MGAT4B: variants seen among roughly 807,000 people sequenced by gnomAD.
MGAT4B encodes N-acetylglucosaminyltransferase IVb.
In MGAT4B, 38 loss-of-function variants were observed where a neutral mutation model predicts 73.9. The ratio of observed to expected loss-of-function variants is 0.51; its 90% confidence interval spans 0.40 to 0.67. The LOEUF is 0.67. Among genes scored for constraint, MGAT4B ranks in the 30% least tolerant of loss-of-function variants. The pLI, the probability that MGAT4B is intolerant of heterozygous loss-of-function variation, is 0.00. For missense variants in MGAT4B, 686 were observed against 735.2 expected, an observed-to-expected ratio of 0.93 and a Z score of 0.77; for synonymous variants, 373 against 313.5, an observed-to-expected ratio of 1.19 and a Z score of -2.01.
chr5:179,798,382 C>T lies in MGAT4B; in HGVS notation c.1475G>A (p.Arg492Gln), dbSNP rs748599210. The stretch of plus-strand genomic sequence containing the variant: ...GTAGCCGTCGGGGCTCCGAGGGTAC[C>T]GGAGGGTGGCGGTGCGGCCCTCCTG... ...ALQEGRTATL[R>Q]YPRSPDGYLQ... is the part of the protein sequence containing the mutation. The change falls in exon 13 of 15, where the codon CGG becomes CAG. Residue 492 changes from arginine (R) to glutamine (Q), a missense_variant. Physicochemically the swap from Arg to Gln is conservative, Grantham distance 43 (BLOSUM62 1). Coordinates refer to ENST00000292591, the MANE Select transcript of MGAT4B (RefSeq NM_014275.5). 16 of 1,612,856 alleles carry T rather than the reference C, an allele frequency of 9.9e-6. No individual in the cohort carries two copies. The highest frequency in any genetic ancestry group is 1.6e-4 in the Middle Eastern group (1 of 6,062).
chr5:179,802,297 A>C, intron 1 of MGAT4B: 11 of 1,401,986 alleles, frequency 7.8e-6, no homozygotes, highest in Non-Finnish European at 1.0e-5. Context: ...ACAGCCTCAG[A>C]CTGAATCCGC....
chr5:179,798,661 G>T, intron 11 of MGAT4B, 70 bp from the exon 12 acceptor site: 2 of 1,547,756 alleles, frequency 1.3e-6, no homozygotes, highest in Non-Finnish European at 1.8e-6. Context: ...GCCCAGCAGA[G>T]AAAGGCCAGG....
Position 179,799,368 on chromosome 5 carries a change from C to G in MGAT4B, c.1042-58G>C, listed in dbSNP as rs1756805091. 1.9e-6 allele frequency: 3 copies of G among 1,604,334 alleles called. No individual in the cohort carries two copies. The East Asian group carries it at 6.7e-5, about 36-fold the overall frequency. On this transcript the variant is annotated intron_variant, in intron 9 of 14. Transcript: ENST00000292591. Reference sequence around the variant, plus strand: ...CTTAGCCCTCCTTCCTCAACACGGCCTCTCCTGGGGACTACCAGGGCCCTC... The same window carrying G: ...CTTAGCCCTCCTTCCTCAACACGGCGTCTCCTGGGGACTACCAGGGCCCTC...
At chr5:179,798,812 G>C (rs758223404) in intron 11 of MGAT4B, 116 bp downstream of exon 11, 192 of 1,282,530 alleles carry the variant, frequency 1.5e-4, no homozygotes, top group Non-Finnish European at 2.0e-4. Context: ...CTACCATTAC[G>C]AGGCCCACTT....
chr5:179,801,919 A>G lies in MGAT4B; in HGVS notation c.148T>C (p.Leu50=). The G allele has an allele frequency of 6.2e-7, 1 of 1,613,262 alleles. No individual in the cohort carries two copies. Among genetic ancestry groups the G allele is most frequent in the Non-Finnish European group, 8.5e-7 (1 of 1,179,940 alleles). Residue 50 remains leucine (L), a synonymous_variant, in exon 2 of 15, where the codon TTG becomes CTG. Coordinates refer to ENST00000292591, the MANE Select transcript of MGAT4B (RefSeq NM_014275.5). The surrounding 1 kb of genome is among the most constrained non-coding windows in gnomAD (Gnocchi z 4.8). ...QREFLALRDR[L]HAAEQESLKR... is the part of the protein sequence containing the mutation. Reference sequence around the variant, plus strand: ...AGGCTCTCCTGCTCAGCTGCGTGCAACCGATCGCGCAGCGCCAGGAACTCC... The same window carrying G: ...AGGCTCTCCTGCTCAGCTGCGTGCAGCCGATCGCGCAGCGCCAGGAACTCC...
chr5:179,801,173 G>A lies in MGAT4B; in HGVS notation c.558+161C>T, dbSNP rs554371497. On this transcript the variant is annotated intron_variant, in intron 4 of 14. Transcript: ENST00000292591. This position sits in a 1 kb window ranked among gnomAD's most constrained non-coding sequence, Gnocchi z 4.8. ...GCGGGGGCGATGGGTAGGGGTAGAG[G>A]GTGCCAGAAAGCCCTTTCAACTTTC... is the stretch of plus-strand genomic sequence containing the variant. 1.3e-5 allele frequency among the ~76,000 whole-genome samples: 2 copies of A among 152,238 alleles called. No individual in the cohort carries two copies. The highest frequency in any genetic ancestry group is 4.8e-5 in the African/African-American group (2 of 41,540).
chr5:179,799,649 GGCCTGAGTGGGCAGT>G lies in MGAT4B; in HGVS notation c.911-28_911-14del. 6.2e-7 allele frequency: 1 copy of G among 1,613,364 alleles called. No individual in the cohort carries two copies. The highest frequency in any genetic ancestry group is 8.5e-7 in the Non-Finnish European group (1 of 1,179,998). ...TTGAACATCTTACCTGGTGGGGAGG[GGCCTGAGTGGGCAGT>G]GCTGCTCTGCCTACTTCCTTTCTCC... On this transcript the variant is annotated splice_polypyrimidine_tract_variant and intron_variant, in intron 8 of 14. Coordinates refer to ENST00000292591, the MANE Select transcript of MGAT4B (RefSeq NM_014275.5).
intron 9 of MGAT4B, 95 bp downstream of exon 9, chr5:179,799,411 C>G (rs1423472576): frequency 1.9e-6 from 3 of 1,607,322 alleles, no homozygotes; most frequent in Middle Eastern, 1.8e-4. Context: ...TGACAGTGCT[C>G]TATGTGAGCA....
intron 1 of MGAT4B, chr5:179,802,982 CT>C: frequency 1.0e-6 from 1 of 985,508 alleles, no homozygotes; most frequent in Non-Finnish European, 1.2e-6. Context: ...TCCTTGGTGG[CT>C]TCACAGACCC....
intron 1 of MGAT4B, among the ~76,000 whole-genome samples, chr5:179,804,420 C>A (rs996298573): frequency 1.3e-5 from 2 of 152,186 alleles, no homozygotes; most frequent in African/African-American, 4.8e-5. Context: ...ATGGCTGAGA[C>A]CCCGGGCTGC....
Position 179,797,886 on chromosome 5 carries a change from G to GCCT in MGAT4B, c.*156_*158dup. 2.9e-6 allele frequency: 3 copies of GCCT among 1,043,518 alleles called. No individual in the cohort carries two copies. The South Asian group carries it at 4.7e-5, about 16-fold the overall frequency. The allele number at this position is 1,043,518 out of a possible 1,614,324, so 64.6% of individuals were successfully genotyped here. ...GGCGGGGGCAGCACCAGCTCCTAGGGCCTCCGGGCCAGCGGCGGACCCCAG... is the reference window on the plus strand; with the variant it reads ...GGCGGGGGCAGCACCAGCTCCTAGGGCCTCCTCCGGGCCAGCGGCGGACCCCAG... On this transcript the variant is annotated 3_prime_UTR_variant, in exon 15 of 15. Transcript: ENST00000292591.
intron 1 of MGAT4B, chr5:179,802,423 G>T: frequency 1.8e-6 from 2 of 1,118,964 alleles, no homozygotes. Flanking sequence ...GCGGTCGCTG[G>T]TTGCTCACCC....
Position 179,801,516 on chromosome 5 carries a change from TC to T in MGAT4B, c.424+37del, listed in dbSNP as rs780074744. On this transcript the variant is annotated intron_variant, in intron 3 of 14. Transcript: ENST00000292591. The surrounding 1 kb of genome is among the most constrained non-coding windows in gnomAD (Gnocchi z 4.8). ...CTGGAAAGGGTGCGGGGGCCACCCGTCCCCCCACCCCGTGCTCCTCCCTGTC... is the reference window on the plus strand; with the variant it reads ...CTGGAAAGGGTGCGGGGGCCACCCGTCCCCCACCCCGTGCTCCTCCCTGTC... 3 of 1,600,460 alleles carry T rather than the reference TC, an allele frequency of 1.9e-6. No individual in the cohort carries two copies. The highest frequency in any genetic ancestry group is 2.7e-5 in the African/African-American group (2 of 74,384).
intron 8 of MGAT4B, 36 bp from the exon 9 acceptor site, chr5:179,799,672 T>C (rs2113426307): frequency 1.2e-6 from 2 of 1,611,704 alleles, no homozygotes; most frequent in Non-Finnish European, 1.7e-6. Context: ...AGTGCTGCTC[T>C]GCCTACTTCC....
chr5:179,799,284 G>A lies in MGAT4B; in HGVS notation c.1068C>T (p.Asn356=). Residue 356 remains asparagine (N), a synonymous_variant, in exon 10 of 15, where the codon AAC becomes AAT. Transcript: ENST00000292591. ...DAKHCDRQKA[N]LRIRFKPSLF... The stretch of plus-strand genomic sequence containing the variant: ...GGGACGGTTTGAAGCGGATCCGCAG[G>A]TTGGCTTTCTGCCGGTCACAGTGCT... 3 of 1,613,894 alleles carry A rather than the reference G, an allele frequency of 1.9e-6. No individual in the cohort carries two copies. The highest frequency in any genetic ancestry group is 2.5e-6 in the Non-Finnish European group (3 of 1,180,010).
Position 179,800,552 on chromosome 5 carries a change from G to A in MGAT4B, c.651C>T (p.Pro217=). Residue 217 remains proline (P), a synonymous_variant, in exon 6 of 15, where the codon CCC becomes CCT. Coordinates refer to ENST00000292591, the MANE Select transcript of MGAT4B (RefSeq NM_014275.5). The part of the protein sequence containing the change: ...IHSGLLEVIS[P]SPHFYPDFSR... ...AGAAGTCAGGGTAGAAGTGGGGGGA[G>A]GGTGAGATGACCTCCAGGAGCCCAG... 1 of 1,612,290 alleles carries A rather than the reference G, an allele frequency of 6.2e-7. No individual in the cohort carries two copies.
Position 179,798,068 on chromosome 5 carries a change from T to C in MGAT4B, c.1624A>G (p.Ile542Val), listed in dbSNP as rs1446233683. ...DSPVWVILSE[I>V]FLKKAD ...GCTTAGTCGGCCTTTTTCAGGAAGA[T>C]CTGGAAGAGCCGGACCCAGGGTCAG... The change falls in exon 15 of 15, where the codon ATC becomes GTC. Residue 542 changes from isoleucine (I) to valine (V), a missense_variant and splice_region_variant. Physicochemically the swap from Ile to Val is conservative, Grantham distance 29. Coordinates refer to ENST00000292591, the MANE Select transcript of MGAT4B (RefSeq NM_014275.5). 7 of 1,609,374 alleles carry C rather than the reference T, an allele frequency of 4.3e-6. No individual in the cohort carries two copies. Among genetic ancestry groups the C allele is most frequent in the Non-Finnish European group, 5.9e-6 (7 of 1,178,568 alleles).
Position 179,801,118 on chromosome 5 carries a change from G to T in MGAT4B, c.559-165C>A. ...CCCCCAGAGACGGCCCTTTCCCTTT[G>T]GGACTCGCATGGCCAAGGACTAGGG... On this transcript the variant is annotated intron_variant, in intron 4 of 14. Transcript: ENST00000292591. This position sits in a 1 kb window ranked among gnomAD's most constrained non-coding sequence, Gnocchi z 4.8. The T allele has an allele frequency of 1.8e-6, 2 of 1,136,078 alleles. No homozygotes were observed. The highest frequency in any genetic ancestry group is 2.5e-6 in the Non-Finnish European group (2 of 807,858). 70.4% of individuals were successfully genotyped at this position (1,136,078 alleles called of 1,614,324 possible).
rs1756743163 is a variant in MGAT4B, at chr5:179,798,335, A to G, written c.1510+12T>C. On this transcript the variant is annotated intron_variant, in intron 13 of 14. Transcript: ENST00000292591. The stretch of plus-strand genomic sequence containing the variant: ...GAACCCCAGCCCACGCTCTCCCCCA[A>G]ACCCTACCCACCGATCTGGAGGTAG... 3 of 1,612,836 alleles carry G rather than the reference A, an allele frequency of 1.9e-6. No individual in the cohort carries two copies. Among genetic ancestry groups the G allele is most frequent in the Middle Eastern group, 1.6e-4 (1 of 6,062 alleles).
Sources: allele counts gnomAD v4.1 joint callset (sites outside exome capture counted in the v4.1 genomes callset), GRCh38; gene constraint gnomAD v4.1.1; non-coding constraint Gnocchi (gnomAD v3.1); transcripts MANE v1.5; gene names NCBI Gene and HGNC (gene_info 2026-07-23, HGNC 2026-07-21).